Variants in SEMA5A observed in about 807,000 individuals in gnomAD.
SEMA5A encodes semaphorin 5A, also known as semaphorin-5A.
Under a neutral mutation model 135.5 loss-of-function variants are expected in SEMA5A, and 55 were observed. The observed-to-expected ratio is 0.41, with a 90% confidence interval of 0.33 to 0.51. SEMA5A has a LOEUF of 0.51. SEMA5A is among the 20% of genes least tolerant of loss of function. The pLI is 0.37. For missense variants in SEMA5A, 1,290 were observed against 1,419.9 expected, an observed-to-expected ratio of 0.91 and a Z score of 1.47; for synonymous variants, 580 against 546.5, an observed-to-expected ratio of 1.06 and a Z score of -0.85.
At chr5:9,387,143 G>C (rs574497899) in intron 2 of SEMA5A, among the ~76,000 whole-genome samples, 1 of 152,196 alleles carries the variant, frequency 6.6e-6, no homozygotes, top group Non-Finnish European at 1.5e-5. Context: ...TACAGCCCAA[G>C]CTCTCTGCTC....
intron 8 of SEMA5A, among the ~76,000 whole-genome samples, chr5:9,215,413 G>A (rs746300491): frequency 2.6e-5 from 4 of 152,100 alleles, no homozygotes; most frequent in Non-Finnish European, 5.9e-5. Context: ...GACCTTATCT[G>A]GAAACAGGGT....
intron 18 of SEMA5A, among the ~76,000 whole-genome samples, chr5:9,061,628 G>T (rs569737263): frequency 1.8e-4 from 27 of 152,154 alleles, no homozygotes; most frequent in Admixed American, 6.5e-4. Context: ...ACAGGGGCTT[G>T]AATATTAAAG....
At chr5:9,346,675 C>G (rs574838098) in intron 3 of SEMA5A, among the ~76,000 whole-genome samples, 1 of 152,306 alleles carries the variant, frequency 6.6e-6, no homozygotes, top group Middle Eastern at 3.4e-3. Context: ...GTGGAACTCA[C>G]CCCTGCTAGT....
intron 5 of SEMA5A, among the ~76,000 whole-genome samples, chr5:9,281,104 A>T (rs986343371): frequency 7.9e-5 from 12 of 152,186 alleles, no homozygotes; most frequent in African/African-American, 2.4e-4. Context: ...ATGAGTTATC[A>T]GAATTTCATT....
chr5:9,232,851 G>A (rs767949535), intron 6 of SEMA5A, among the ~76,000 whole-genome samples: 1 of 152,156 alleles, frequency 6.6e-6, no homozygotes, highest in Non-Finnish European at 1.5e-5. Flanking sequence ...GCTACAATGT[G>A]TCCCATGTAT....
intron 1 of SEMA5A, among the ~76,000 whole-genome samples, chr5:9,474,368 C>T (rs1039002234): frequency 1.3e-5 from 2 of 151,866 alleles, no homozygotes; most frequent in Non-Finnish European, 2.9e-5. Context: ...GGCTCAGACA[C>T]ACATGGGGAA....
At chr5:9,249,061 T>C (rs1748634226) in intron 5 of SEMA5A, among the ~76,000 whole-genome samples, 1 of 152,236 alleles carries the variant, frequency 6.6e-6, no homozygotes, top group African/African-American at 2.4e-5. Context: ...TTAGTATCTG[T>C]GTGTCCATCT....
intron 8 of SEMA5A, among the ~76,000 whole-genome samples, chr5:9,213,649 A>T (rs2150392576): frequency 6.6e-6 from 1 of 152,336 alleles, no homozygotes; most frequent in African/African-American, 2.4e-5. Flanking sequence ...AAGTTTTATT[A>T]GCACCCAGTC....
intron 12 of SEMA5A, among the ~76,000 whole-genome samples, chr5:9,151,477 C>T (rs1742632437): frequency 6.6e-6 from 1 of 152,124 alleles, no homozygotes; most frequent in African/African-American, 2.4e-5. Flanking sequence ...CTTCTTTAAG[C>T]ATCTTTCTGA....
intron 8 of SEMA5A, among the ~76,000 whole-genome samples, chr5:9,207,146 T>A (rs1432716571): frequency 1.3e-5 from 1 of 76,772 alleles, no homozygotes; most frequent in African/African-American, 4.7e-5. Flanking sequence ...AGCTTAAAGG[T>A]CATTAGAATT....
chr5:9,319,438 C>A (rs1299977415), intron 4 of SEMA5A, among the ~76,000 whole-genome samples: 1 of 152,022 alleles, frequency 6.6e-6, no homozygotes, highest in Non-Finnish European at 1.5e-5. Flanking sequence ...CAGTGGAGAT[C>A]AGTAGAGGAC....
chr5:9,197,780 GTGTGTTTT>G (rs1360848624), intron 9 of SEMA5A, among the ~76,000 whole-genome samples: 1,608 of 104,000 alleles, frequency 0.015, 57 homozygotes, highest in East Asian at 0.049. Flanking sequence ...GTGTGTGTGT[GTGTGTTTT>G]AACCCAGATA....
chr5:9,114,840 T>C (rs969422882), intron 15 of SEMA5A, among the ~76,000 whole-genome samples: 5 of 152,208 alleles, frequency 3.3e-5, no homozygotes, highest in African/African-American at 1.2e-4. Flanking sequence ...TTAGGGAAGG[T>C]TGGAATACAG....
At chr5:9,407,180 C>T (rs1443500045) in intron 2 of SEMA5A, among the ~76,000 whole-genome samples, 1 of 152,124 alleles carries the variant, frequency 6.6e-6, no homozygotes, top group Non-Finnish European at 1.5e-5. Context: ...ATTGCTCTCC[C>T]TTCCATTGAG....
At chr5:9,080,497 C>A (rs956280557) in intron 16 of SEMA5A, among the ~76,000 whole-genome samples, 76 of 146,204 alleles carry the variant, frequency 5.2e-4, no homozygotes, top group African/African-American at 1.9e-3. Flanking sequence ...ACCTATGTAA[C>A]AAAACTGCAC....
chr5:9,230,158 CTTTTTTTTTT>C (rs5865817), intron 6 of SEMA5A, among the ~76,000 whole-genome samples: 3 of 98,286 alleles, frequency 3.1e-5, no homozygotes, highest in Admixed American at 1.2e-4. Flanking sequence ...CTATTTTTTT[CTTTTTTTTTT>C]TTTTTTTTTT....
intron 18 of SEMA5A, among the ~76,000 whole-genome samples, chr5:9,060,845 A>G (rs1295238619): frequency 6.6e-6 from 1 of 152,196 alleles, no homozygotes; most frequent in African/African-American, 2.4e-5. Context: ...ATGAATTTTC[A>G]TTGAGTATCT....
At chr5:9,487,794 C>T (rs1052853496) in intron 1 of SEMA5A, among the ~76,000 whole-genome samples, 7 of 151,934 alleles carry the variant, frequency 4.6e-5, no homozygotes, top group African/African-American at 1.4e-4. Context: ...CTGTATTTTT[C>T]CTGTCATTGT....
intron 16 of SEMA5A, among the ~76,000 whole-genome samples, chr5:9,090,268 T>G (rs1213937013): frequency 6.6e-6 from 1 of 152,192 alleles, no homozygotes; most frequent in Non-Finnish European, 1.5e-5. Flanking sequence ...ATGCCATTTA[T>G]TTCTAATTCT....
Sources: gnomAD v4.1 joint callset for allele counts (sites outside exome capture counted in the v4.1 genomes callset) on GRCh38, gnomAD v4.1.1 for gene constraint, MANE v1.5 for transcripts, NCBI Gene and HGNC (gene_info 2026-07-23, HGNC 2026-07-21) for gene names.